KCNT2: variants seen among roughly 807,000 people sequenced by gnomAD.
The protein encoded by KCNT2 is potassium sodium-activated channel subfamily T member 2.
A neutral mutation model predicts 153.8 loss-of-function variants in KCNT2; 67 were observed. That is an observed-to-expected ratio of 0.44 (90% CI 0.36 to 0.53). The LOEUF (loss-of-function observed/expected upper bound fraction) is 0.53. Among genes scored for constraint, KCNT2 ranks in the 20% least tolerant of loss-of-function variants. KCNT2 has a pLI of 0.00. For synonymous variants in KCNT2, 500 were observed against 458.8 expected (o/e 1.09, Z -1.15); for missense variants, 975 against 1,354.8 (o/e 0.72, Z 4.40).
At chr1:196,479,601 G>T (rs1678835102) in intron 4 of KCNT2, among the ~76,000 whole-genome samples, 1 of 152,026 alleles carries the variant, frequency 6.6e-6, no homozygotes, top group South Asian at 2.1e-4. Flanking sequence ...AATAGAAATG[G>T]GGTTTTGCAA....
At chr1:196,510,937 A>ATGGTTAAAC (rs1208432278) in intron 1 of KCNT2, among the ~76,000 whole-genome samples, 1 of 152,206 alleles carries the variant, frequency 6.6e-6, no homozygotes, top group African/African-American at 2.4e-5. Flanking sequence ...GCAACTAGCT[A>ATGGTTAAAC]TGGTTAAACT....
intron 1 of KCNT2, among the ~76,000 whole-genome samples, chr1:196,570,454 A>T (rs1660647511): frequency 6.6e-6 from 1 of 152,142 alleles, no homozygotes; most frequent in Non-Finnish European, 1.5e-5. Flanking sequence ...TACTTGTGGG[A>T]ACCTCATCCC....
chr1:196,295,361 T>C (rs1660581797), intron 22 of KCNT2, among the ~76,000 whole-genome samples: 2 of 152,022 alleles, frequency 1.3e-5, no homozygotes, highest in African/African-American at 4.8e-5. Context: ...AGGTAAGTTC[T>C]GTATGACTTA....
At chr1:196,342,582 T>G (rs1446254840) in intron 14 of KCNT2, among the ~76,000 whole-genome samples, 1 of 151,328 alleles carries the variant, frequency 6.6e-6, no homozygotes, top group Non-Finnish European at 1.5e-5. Context: ...TATATACATA[T>G]CCTATCATGT....
chr1:196,344,044 T>C (rs990251966), intron 14 of KCNT2, among the ~76,000 whole-genome samples: 1 of 152,154 alleles, frequency 6.6e-6, no homozygotes, highest in African/African-American at 2.4e-5. Context: ...CCTCCCAAAG[T>C]GCTGGGATTA....
At chr1:196,395,588 C>T (rs936325357) in intron 13 of KCNT2, among the ~76,000 whole-genome samples, 1 of 151,406 alleles carries the variant, frequency 6.6e-6, no homozygotes, top group Non-Finnish European at 1.5e-5. Flanking sequence ...TTTCTCATAT[C>T]ATCCCCATTT....
chr1:196,492,280 T>A lies in KCNT2; in HGVS notation c.157A>T (p.Ile53Leu). Residue 53 changes from isoleucine to leucine, a missense_variant, in exon 2 of 28, where the codon ATA becomes TTA. By Grantham distance (5) the Ile-to-Leu change is conservative. This residue lies in a region of KCNT2 where 140 missense variants were observed against 216.0 expected (regional missense o/e 0.65). Transcript: ENST00000294725. ...AACTTACTTGATCTCTGGTTTTTTA[T>A]GAAAAATAATTTTAGTCTTTCTTTA... ...TFKERLKLFF[I>L]KNQRSSLRIR... The A allele has an allele frequency of 7.0e-7, 1 of 1,430,594 alleles. No homozygotes were observed. The highest frequency in any genetic ancestry group is 9.4e-7 in the Non-Finnish European group (1 of 1,069,450). The allele number at this position is 1,430,594 out of a possible 1,614,324, so 88.6% of individuals were successfully genotyped here.
chr1:196,465,710 A>T (rs1223313859), intron 7 of KCNT2, among the ~76,000 whole-genome samples: 2 of 151,928 alleles, frequency 1.3e-5, no homozygotes, highest in Non-Finnish European at 2.9e-5. Context: ...ATGAACTTTT[A>T]TGGAAAATCC....
At chr1:196,324,294 G>A (rs1445203257) in intron 19 of KCNT2, among the ~76,000 whole-genome samples, 1 of 151,814 alleles carries the variant, frequency 6.6e-6, no homozygotes, top group Non-Finnish European at 1.5e-5. Flanking sequence ...CAAAAAGTAT[G>A]AGCAAGCAAC....
Position 196,469,044 on chromosome 1 carries a change from G to A in KCNT2, c.409C>T (p.Arg137Ter). The A allele has an allele frequency of 3.1e-6, 5 of 1,596,800 alleles. No individual in the cohort carries two copies. Among genetic ancestry groups the A allele is most frequent in the Non-Finnish European group, 4.3e-6 (5 of 1,168,238 alleles). The part of the protein sequence containing the change: ...YKGNIWEQIL[R>*]IPFILEIINA... ...ATTATTTCCAAGATGAAGGGTATTC[G>A]TAAAATCTGTTCCCAGATGTTTCCC... The change falls in exon 6 of 28, where the codon CGA (arginine) becomes TGA (stop). Residue 137 changes from arginine to a stop codon, truncating the protein, a stop_gained. Coordinates refer to ENST00000294725, the MANE Select transcript of KCNT2 (RefSeq NM_198503.5). LOFTEE classifies it high-confidence loss of function.
chr1:196,237,174 A>G (rs976169396), intron 26 of KCNT2, among the ~76,000 whole-genome samples: 4 of 151,888 alleles, frequency 2.6e-5, no homozygotes, highest in African/African-American at 7.2e-5. Context: ...GCTGACCCTG[A>G]TAAACAATTT....
chr1:196,524,244 G>A (rs1653879016), intron 1 of KCNT2, among the ~76,000 whole-genome samples: 1 of 152,058 alleles, frequency 6.6e-6, no homozygotes, highest in Non-Finnish European at 1.5e-5. Flanking sequence ...TTTCACACTT[G>A]AGTAAATTCT....
At chr1:196,296,319 C>CT (rs1307690965) in intron 22 of KCNT2, among the ~76,000 whole-genome samples, 3 of 150,712 alleles carry the variant, frequency 2.0e-5, no homozygotes, top group Non-Finnish European at 4.4e-5. Flanking sequence ...AAAGAACATA[C>CT]TTTTTTCAAA....
chr1:196,367,562 C>T (rs1296864226), intron 14 of KCNT2, among the ~76,000 whole-genome samples: 3 of 152,002 alleles, frequency 2.0e-5, no homozygotes, highest in African/African-American at 7.2e-5. Context: ...CTAACAGATA[C>T]AACTAGAATC....
intron 12 of KCNT2, among the ~76,000 whole-genome samples, chr1:196,419,354 C>A (rs1281190026): frequency 9.1e-6 from 1 of 109,746 alleles, no homozygotes; most frequent in Admixed American, 1.2e-4. Flanking sequence ...CCACAACAGT[C>A]CCCAGAATGT....
At chr1:196,423,742 A>AG (rs1380068322) in intron 11 of KCNT2, among the ~76,000 whole-genome samples, 1 of 151,634 alleles carries the variant, frequency 6.6e-6, no homozygotes, top group Non-Finnish European at 1.5e-5. Context: ...TTTCCAAAAA[A>AG]AAAAATGGTT....
chr1:196,504,326 C>T (rs1000938688), intron 1 of KCNT2, among the ~76,000 whole-genome samples: 31 of 148,406 alleles, frequency 2.1e-4, no homozygotes, highest in African/African-American at 6.4e-4. Context: ...TGAGTGAGAA[C>T]ATGCGGTGTT....
intron 22 of KCNT2, among the ~76,000 whole-genome samples, chr1:196,295,096 A>G (rs1406381119): frequency 6.6e-6 from 1 of 151,616 alleles, no homozygotes; most frequent in Non-Finnish European, 1.5e-5. Context: ...TGGATTTGTT[A>G]ATTAGTCTGA....
intron 27 of KCNT2, among the ~76,000 whole-genome samples, chr1:196,229,654 A>G (rs1483643595): frequency 6.6e-6 from 1 of 152,130 alleles, no homozygotes; most frequent in Non-Finnish European, 1.5e-5. Context: ...CCAGTTAGCC[A>G]AGTTGTGAAT....
Sources: allele counts gnomAD v4.1 joint callset (sites outside exome capture counted in the v4.1 genomes callset), GRCh38; gene constraint gnomAD v4.1.1; regional missense constraint gnomAD v4.1.1; transcripts MANE v1.5; gene names NCBI Gene and HGNC (gene_info 2026-07-23, HGNC 2026-07-21).